TRPM3: variants seen among roughly 807,000 people sequenced by gnomAD.
TRPM3 encodes the protein long transient receptor potential channel 3.
TRPM3 carries 77 observed loss-of-function variants against 181.2 expected under a neutral mutation model. That is an observed-to-expected ratio of 0.42 (90% CI 0.35 to 0.51). The LOEUF (loss-of-function observed/expected upper bound fraction) is 0.51, where lower values mean the gene tolerates loss of function less well. Ranked by LOEUF, TRPM3 falls within the 20% of genes least tolerant of loss-of-function variation. The pLI, the probability that TRPM3 is intolerant of heterozygous loss-of-function variation, is 0.01. For synonymous variants in TRPM3, 745 were observed against 796.4 expected, an observed-to-expected ratio of 0.94 and a Z score of 1.09; for missense variants, 1,759 against 2,196.7, an observed-to-expected ratio of 0.80 and a Z score of 3.98.
intron 1 of TRPM3, among the ~76,000 whole-genome samples, chr9:71,087,928 G>A (rs1471306447): frequency 2.0e-5 from 3 of 152,078 alleles, no homozygotes; most frequent in African/African-American, 7.2e-5. Flanking sequence ...TGGACATGAT[G>A]TCCCTTGAAT....
chr9:70,993,647 C>T (rs975421769), intron 1 of TRPM3, among the ~76,000 whole-genome samples: 1 of 151,950 alleles, frequency 6.6e-6, no homozygotes, highest in Non-Finnish European at 1.5e-5. Context: ...GTTACCAAGT[C>T]GAGATGGTCT....
chr9:70,746,412 G>A (rs1021116887), intron 8 of TRPM3, among the ~76,000 whole-genome samples: 7 of 152,062 alleles, frequency 4.6e-5, no homozygotes, highest in African/African-American at 1.7e-4. Flanking sequence ...GCCAACATCA[G>A]CTTCACACAT....
chr9:70,577,511 G>C (rs1011054890), intron 22 of TRPM3, among the ~76,000 whole-genome samples: 4 of 152,192 alleles, frequency 2.6e-5, no homozygotes, highest in Admixed American at 6.5e-5. Flanking sequence ...CACTGTAATA[G>C]CCTCTCAACA....
intron 1 of TRPM3, among the ~76,000 whole-genome samples, chr9:70,961,385 C>A (rs1449601399): frequency 1.3e-5 from 2 of 152,140 alleles, no homozygotes; most frequent in Non-Finnish European, 2.9e-5. Flanking sequence ...CCATCTTAAG[C>A]TGTTAAGTTT....
At chr9:71,282,529 C>T (rs902876538) in intron 1 of TRPM3, among the ~76,000 whole-genome samples, 26 of 152,162 alleles carry the variant, frequency 1.7e-4, no homozygotes, top group African/African-American at 6.0e-4. Flanking sequence ...CAAAGCACTA[C>T]AAAGTCTGTG....
chr9:71,183,968 C>A (rs1040075860), intron 1 of TRPM3, among the ~76,000 whole-genome samples: 3 of 152,042 alleles, frequency 2.0e-5, no homozygotes, highest in Admixed American at 1.3e-4. Flanking sequence ...TTCATTCAGG[C>A]CCCCACTGAA....
intron 1 of TRPM3, among the ~76,000 whole-genome samples, chr9:71,250,558 G>A (rs1463834907): frequency 3.9e-5 from 6 of 152,142 alleles, no homozygotes; most frequent in Non-Finnish European, 5.9e-5. Flanking sequence ...TATGTACTGA[G>A]TATATATTTC....
At chr9:70,881,189 T>C (rs1002614526) in intron 1 of TRPM3, among the ~76,000 whole-genome samples, 1 of 152,176 alleles carries the variant, frequency 6.6e-6, no homozygotes, top group African/African-American at 2.4e-5. Context: ...ATGAGTATCA[T>C]GTGAGGACTT....
intron 7 of TRPM3, among the ~76,000 whole-genome samples, chr9:70,762,865 G>T (rs1256404626): frequency 6.6e-6 from 1 of 152,150 alleles, no homozygotes. Flanking sequence ...ACACCATGTT[G>T]CCTCTGTTTA....
At chr9:71,418,579 T>C (rs2093673114) in intron 1 of TRPM3, among the ~76,000 whole-genome samples, 2 of 151,626 alleles carry the variant, frequency 1.3e-5, no homozygotes, top group African/African-American at 4.8e-5. Flanking sequence ...GATATTAGTG[T>C]ATTATGAGGA....
chr9:71,331,877 A>AGGGGACGGAG lies in TRPM3; in HGVS notation c.183+114775_183+114776insCTCCGTCCCC, dbSNP rs1293016190. Among the ~76,000 whole-genome samples, 2 of 1,440 alleles carry AGGGGACGGAG rather than the reference A, an allele frequency of 1.4e-3. 1 individual carries two copies. The highest frequency in any genetic ancestry group is 6.0e-3 in the African/African-American group (2 of 334). 0.9% of individuals were successfully genotyped at this position (1,440 alleles called of 152,430 possible). On this transcript the variant is annotated intron_variant, in intron 1 of 24. Transcript: ENST00000357533. ...AGAGGAGACGGAGGAGGAGGAAGAA[A>AGGGGACGGAG]GAGGAGGAAGAAGGGGAGGAAGAAG...
chr9:71,156,138 T>C (rs895099935), intron 1 of TRPM3, among the ~76,000 whole-genome samples: 1 of 152,118 alleles, frequency 6.6e-6, no homozygotes, highest in African/African-American at 2.4e-5. Context: ...GTTGGGGTTC[T>C]TTGACCTAAT....
At chr9:70,607,962 T>TAAG (rs2061448434) in intron 19 of TRPM3, among the ~76,000 whole-genome samples, 1 of 152,344 alleles carries the variant, frequency 6.6e-6, no homozygotes, top group East Asian at 1.9e-4. Flanking sequence ...GCTGCCTCCT[T>TAAG]AAGTTCGGCC....
At chr9:70,758,449 T>C (rs1279128961) in intron 8 of TRPM3, among the ~76,000 whole-genome samples, 1 of 152,266 alleles carries the variant, frequency 6.6e-6, no homozygotes, top group African/African-American at 2.4e-5. Context: ...CAAGCTACCA[T>C]TGACTTTCTT....
intron 9 of TRPM3, among the ~76,000 whole-genome samples, chr9:70,676,572 G>A (rs1302928556): frequency 6.6e-6 from 1 of 152,176 alleles, no homozygotes; most frequent in Non-Finnish European, 1.5e-5. Context: ...TTCTCTGGTT[G>A]CTGTGATTAA....
At chr9:70,830,707 T>A (rs2093835687) in intron 5 of TRPM3, among the ~76,000 whole-genome samples, 1 of 152,232 alleles carries the variant, frequency 6.6e-6, no homozygotes, top group Non-Finnish European at 1.5e-5. Flanking sequence ...TTTGTTTGAA[T>A]CTCAGTTTTG....
At chr9:70,629,345 T>G (rs1367826079) in intron 12 of TRPM3, among the ~76,000 whole-genome samples, 2 of 152,026 alleles carry the variant, frequency 1.3e-5, no homozygotes, top group African/African-American at 4.8e-5. Flanking sequence ...GTTTTGTTTT[T>G]TTCTTTTGAG....
intron 1 of TRPM3, among the ~76,000 whole-genome samples, chr9:71,066,535 G>A (rs527837048): frequency 6.7e-4 from 102 of 152,234 alleles, no homozygotes; most frequent in African/African-American, 2.4e-3. Context: ...GGATGCAGTC[G>A]TTAAGTTGTT....
At position 71,316,861 on chromosome 9, in the gene TRPM3, CGTAA is replaced by C. The variant is rs1023537627; in HGVS notation, c.183+129788_183+129791del. 1.6e-4 allele frequency among the ~76,000 whole-genome samples: 24 copies of C among 152,032 alleles called. 1 individual carries two copies. The highest frequency in any genetic ancestry group is 5.8e-4 in the African/African-American group (24 of 41,402). On this transcript the variant is annotated intron_variant, in intron 1 of 24. Transcript: ENST00000357533. ...TATCACTCATAAGAATTAATCTCAT[CGTAA>C]AGAAAAAAAATCCTGTGGGCCACCT... is the stretch of plus-strand genomic sequence containing the variant.
Sources: gnomAD v4.1 joint callset for allele counts (sites outside exome capture counted in the v4.1 genomes callset) on GRCh38, gnomAD v4.1.1 for gene constraint, MANE v1.5 for transcripts, NCBI Gene and HGNC (gene_info 2026-07-23, HGNC 2026-07-21) for gene names.